Variants in KSR2 observed in about 807,000 individuals in gnomAD.
KSR2 encodes the protein kinase suppressor of ras 2.
KSR2 carries 25 observed loss-of-function variants against 107.8 expected under a neutral mutation model. The observed-to-expected ratio is 0.23, with a 90% CI of 0.17 to 0.32. The LOEUF is 0.32. KSR2 is among the 10% of genes least tolerant of loss of function. The pLI, the probability that KSR2 is intolerant of heterozygous loss-of-function variation, is 1.00. For synonymous variants in KSR2, 480 were observed against 507.0 expected, an observed-to-expected ratio of 0.95 and a Z score of 0.71; for missense variants, 887 against 1,268.9, an observed-to-expected ratio of 0.70 and a Z score of 4.57.
At chr12:117,572,301 C>T (rs947914547) in intron 7 of KSR2, among the ~76,000 whole-genome samples, 10 of 152,180 alleles carry the variant, frequency 6.6e-5, no homozygotes, top group African/African-American at 2.4e-4. Flanking sequence ...ACAGCACTTC[C>T]ACACTTAAGT....
chr12:117,524,664 C>T (rs1307290305), intron 14 of KSR2, among the ~76,000 whole-genome samples, 188 bp downstream of exon 14: 1 of 152,114 alleles, frequency 6.6e-6, no homozygotes, highest in Non-Finnish European at 1.5e-5. Context: ...GAGACCCTGT[C>T]TCTAAAAAAA....
rs1389760061 is a variant in KSR2 at position 117,761,156 on chromosome 12, TC to T, written c.840del (p.Lys281ArgfsTer5). The T allele has an allele frequency of 6.2e-7, 1 of 1,608,082 alleles. No homozygotes were observed. The highest frequency in any genetic ancestry group is 2.2e-5 in the East Asian group (1 of 44,580). The stretch of plus-strand genomic sequence containing the variant: ...CCCGGGGGCTTCAGCTTGTTCTTCT[TC>T]CTCATGGGCGGCGTGCCCGGCGGGG... ...TVTPPGTPPM[R>X]KKNKLKPPGT... On this transcript the variant is annotated frameshift_variant, in exon 4 of 20. Coordinates refer to ENST00000339824, the MANE Select transcript of KSR2 (RefSeq NM_173598.6). LOFTEE classifies it high-confidence loss of function.
chr12:117,639,356 G>GT (rs1490271844), intron 5 of KSR2, among the ~76,000 whole-genome samples: 8 of 151,136 alleles, frequency 5.3e-5, no homozygotes. Flanking sequence ...TAGAGACAGA[G>GT]TCTTGCTGTG....
chr12:117,746,616 A>G (rs879114846), intron 4 of KSR2, among the ~76,000 whole-genome samples: 3 of 152,202 alleles, frequency 2.0e-5, no homozygotes, highest in African/African-American at 7.2e-5. Context: ...TCTGCACAGC[A>G]AAAGAAACTA....
In KSR2 at chr12:117,842,227, T is replaced by A. The variant is rs1308024873; in HGVS notation, c.472+13201A>T. ...AGGGGTATGAAAATAAACAAAATCA[T>A]TTTAGATATGCTAGAGACTATGATA... On this transcript the variant is annotated intron_variant, in intron 3 of 19. Coordinates refer to ENST00000339824, the MANE Select transcript of KSR2 (RefSeq NM_173598.6). The surrounding 1 kb of genome is among the most constrained non-coding windows in gnomAD (Gnocchi z 4.2). Among the ~76,000 whole-genome samples the A allele has an allele frequency of 6.6e-6, 1 of 152,196 alleles. No individual in the cohort carries two copies. Among genetic ancestry groups the A allele is most frequent in the Admixed American group, 6.5e-5 (1 of 15,278 alleles).
At chr12:117,693,035 T>C (rs1261988515) in intron 4 of KSR2, among the ~76,000 whole-genome samples, 2 of 152,206 alleles carry the variant, frequency 1.3e-5, no homozygotes, top group African/African-American at 2.4e-5. Flanking sequence ...CAGTTTAAAG[T>C]GGTCGATCTC....
intron 1 of KSR2, among the ~76,000 whole-genome samples, chr12:117,932,948 G>C (rs1444073418): frequency 6.6e-6 from 1 of 152,162 alleles, no homozygotes; most frequent in Non-Finnish European, 1.5e-5. Context: ...GGGAGGCAGA[G>C]GTTGCAGTGA....
chr12:117,760,964 G>C (rs1009744529), intron 4 of KSR2, 47 bp downstream of exon 4: 1 of 1,608,384 alleles, frequency 6.2e-7, no homozygotes, highest in Non-Finnish European at 8.5e-7. Context: ...GCAGCCCCTC[G>C]CAGGCCGGGT....
At chr12:117,824,967 G>A (rs1285910064) in intron 3 of KSR2, among the ~76,000 whole-genome samples, 1 of 151,992 alleles carries the variant, frequency 6.6e-6, no homozygotes, top group African/African-American at 2.4e-5. Context: ...ATCACTTGAG[G>A]TCAGGAGTCT....
At chr12:117,558,428 G>C in intron 8 of KSR2, 78 bp downstream of exon 8, 2 of 1,138,730 alleles carry the variant, frequency 1.8e-6, no homozygotes, top group South Asian at 2.5e-5. Flanking sequence ...GAACCAACCT[G>C]ATGGGACAGC....
At chr12:117,729,639 A>T (rs953920502) in intron 4 of KSR2, among the ~76,000 whole-genome samples, 1 of 152,106 alleles carries the variant, frequency 6.6e-6, no homozygotes, top group Non-Finnish European at 1.5e-5. Flanking sequence ...TCGGCTTCCA[A>T]TGCTGGGAAG....
chr12:117,851,064 C>A (rs966496141), intron 3 of KSR2, among the ~76,000 whole-genome samples: 3 of 152,162 alleles, frequency 2.0e-5, no homozygotes, highest in African/African-American at 7.2e-5. Context: ...ACTGGGTACA[C>A]AATTCTTTAC....
At chr12:117,890,027 A>G (rs1894292175) in intron 1 of KSR2, among the ~76,000 whole-genome samples, 1 of 152,176 alleles carries the variant, frequency 6.6e-6, no homozygotes, top group Non-Finnish European at 1.5e-5. Flanking sequence ...GAATCCCCCC[A>G]ACCCCTACTC....
chr12:117,631,240 G>A (rs1471932159), intron 5 of KSR2, among the ~76,000 whole-genome samples: 2 of 152,190 alleles, frequency 1.3e-5, no homozygotes, highest in Non-Finnish European at 2.9e-5. Flanking sequence ...GTTTGAGGCT[G>A]CAGCAAGCTA....
intron 5 of KSR2, among the ~76,000 whole-genome samples, chr12:117,648,152 C>T (rs1883735117): frequency 6.6e-6 from 1 of 152,162 alleles, no homozygotes; most frequent in African/African-American, 2.4e-5. Context: ...AAACATTTTA[C>T]TCCATTGCCA....
rs1893112436 is a variant in KSR2 at position 117,856,670 on chromosome 12, TTTCACCA to T, written c.322-1099_322-1093del. On this transcript the variant is annotated intron_variant, in intron 2 of 19. Coordinates refer to ENST00000339824, the MANE Select transcript of KSR2 (RefSeq NM_173598.6). ...TTTTGTATTTTTAGTAGAGACAGGG[TTTCACCA>T]TGTTGGCCAGGCTGGTCTCAAACTC... is the stretch of plus-strand genomic sequence containing the variant. Among the ~76,000 whole-genome samples, 3 of 151,958 alleles carry T rather than the reference TTTCACCA, an allele frequency of 2.0e-5. No homozygotes were observed. In the South Asian group the frequency reaches 6.2e-4, roughly 32 times the overall value.
In KSR2 at chr12:117,608,429, T is replaced by C. The variant is rs141611962; in HGVS notation, c.1172-26070A>G. The stretch of plus-strand genomic sequence containing the variant: ...TTAATAAGGCATCACTATTATAATT[T>C]TTAAAACAAGGAGATATCAGCTCAG... On this transcript the variant is annotated intron_variant, in intron 5 of 19. Coordinates refer to ENST00000339824, the MANE Select transcript of KSR2 (RefSeq NM_173598.6). Among the ~76,000 whole-genome samples, 133 of 152,312 alleles carry C rather than the reference T, an allele frequency of 8.7e-4. 1 individual carries two copies. Among genetic ancestry groups the C allele is most frequent in the African/African-American group, 3.1e-3 (130 of 41,570 alleles).
At chr12:117,582,144 T>C (rs1220901584) in intron 6 of KSR2, 146 bp downstream of exon 6, 3 of 631,406 alleles carry the variant, frequency 4.8e-6, no homozygotes, top group Non-Finnish European at 8.3e-6. Context: ...CTTTAAAGTT[T>C]AGCCGAGCAG....
At chr12:117,479,097 G>C (rs1391548448) in intron 16 of KSR2, among the ~76,000 whole-genome samples, 1 of 152,192 alleles carries the variant, frequency 6.6e-6, no homozygotes, top group Non-Finnish European at 1.5e-5. Context: ...GCTGGGTAAG[G>C]CTGGATGTAT....
Sources: gnomAD v4.1 joint callset for allele counts (sites outside exome capture counted in the v4.1 genomes callset) on GRCh38, gnomAD v4.1.1 for gene constraint, Gnocchi (gnomAD v3.1) non-coding constraint, MANE v1.5 for transcripts, NCBI Gene and HGNC (gene_info 2026-07-23, HGNC 2026-07-21) for gene names.